Variants in PSMD13 observed in about 807,000 individuals in gnomAD.
The protein encoded by PSMD13 is proteasome 26S subunit, non-ATPase 13, also known as 26S proteasome non-ATPase regulatory subunit 13.
A neutral mutation model predicts 57.4 loss-of-function variants in PSMD13; 8 were observed. The ratio of observed to expected loss-of-function variants is 0.14; its 90% CI spans 0.08 to 0.25. The LOEUF is 0.25. PSMD13 is among the 10% of genes least tolerant of loss of function. The pLI is 1.00. For missense variants in PSMD13, 400 were observed against 461.5 expected (o/e 0.87, Z 1.22); for synonymous variants, 193 against 168.2 (o/e 1.15, Z -1.14).
chr11:243,126 C>T (rs1235263462), intron 2 of PSMD13: 1 of 602,112 alleles, frequency 1.7e-6, no homozygotes, highest in Non-Finnish European at 3.2e-6. Context: ...TTTTTTACTT[C>T]CCTCTCCTTG....
chr11:246,984 T>C (rs537315545), intron 6 of PSMD13, among the ~76,000 whole-genome samples: 1 of 152,354 alleles, frequency 6.6e-6, no homozygotes, highest in East Asian at 1.9e-4. Context: ...GTAGCTTGTC[T>C]TTGTACTTTT....
rs1265548436 is a variant in PSMD13 at position 252,287 on chromosome 11, G to C, written c.1036-218G>C. On this transcript the variant is annotated intron_variant, in intron 12 of 12. Transcript: ENST00000532097. This position sits in a 1 kb window ranked among gnomAD's most constrained non-coding sequence, Gnocchi z 4.1. Reference sequence around the variant, plus strand: ...GATCCTGTGGATTTCCTCTGTCCTTGTCTGCTTTCTTTCATGCAAGTTTTT... The same window carrying C: ...GATCCTGTGGATTTCCTCTGTCCTTCTCTGCTTTCTTTCATGCAAGTTTTT... 3.6e-6 allele frequency: 2 copies of C among 552,018 alleles called. No individual in the cohort carries two copies. The highest frequency in any genetic ancestry group is 6.5e-6 in the Non-Finnish European group (2 of 307,348). 34.2% of individuals were successfully genotyped at this position (552,018 alleles called of 1,614,324 possible).
chr11:248,231 A>C (rs1859697563), intron 7 of PSMD13: 1 of 155,374 alleles, frequency 6.4e-6, no homozygotes, highest in Admixed American at 6.3e-5. Flanking sequence ...AAGTGTAAGG[A>C]ATATATGTTC....
At chr11:243,057 G>A (rs1039103399) in intron 2 of PSMD13, 2 of 379,206 alleles carry the variant, frequency 5.3e-6, no homozygotes, top group South Asian at 4.9e-5. Flanking sequence ...GCCTCCCAAA[G>A]TGCTGGGATT....
In PSMD13 at chr11:247,365, A is replaced by G. The variant is rs1276544756; in HGVS notation, c.485A>G (p.Tyr162Cys). Residue 162 changes from tyrosine to cysteine, a missense_variant, in exon 7 of 13, where the codon TAC becomes TGC. By Grantham distance (194) the Tyr-to-Cys change is radical. Transcript: ENST00000532097. ...HSRFYDLSSK[Y>C]YQTIGNHASY... ...CGTTTCTATGATCTCTCCAGTAAATACTATCAAACAATCGGAAACCACGCG... is the reference window on the plus strand; with the variant it reads ...CGTTTCTATGATCTCTCCAGTAAATGCTATCAAACAATCGGAAACCACGCG... 3 of 1,614,184 alleles carry G rather than the reference A, an allele frequency of 1.9e-6. No homozygotes were observed. In the Admixed American group the frequency reaches 5.0e-5, roughly 27 times the overall value.
chr11:252,384 C>T lies in PSMD13; in HGVS notation c.1036-121C>T, dbSNP rs1310694715. On this transcript the variant is annotated intron_variant, in intron 12 of 12. Coordinates refer to ENST00000532097, the MANE Select transcript of PSMD13 (RefSeq NM_002817.4). The surrounding 1 kb of genome is among the most constrained non-coding windows in gnomAD (Gnocchi z 4.1). ...TCCCCCAGCTCAGAGGTCCTTTTTA[C>T]TAGAGCTGCCCTAGAGAGTTAGCTG... The T allele has an allele frequency of 1.0e-5, 9 of 875,058 alleles. No homozygotes were observed. Among genetic ancestry groups the T allele is most frequent in the Non-Finnish European group, 1.5e-5 (8 of 536,314 alleles). 54.2% of individuals were successfully genotyped at this position (875,058 alleles called of 1,614,324 possible).
chr11:252,300 C>A lies in PSMD13; in HGVS notation c.1036-205C>A. The A allele has an allele frequency of 1.8e-6, 1 of 561,668 alleles. No homozygotes were observed. The highest frequency in any genetic ancestry group is 3.1e-5 in the Admixed American group (1 of 32,772). The allele number at this position is 561,668 out of a possible 1,614,324, so 34.8% of individuals were successfully genotyped here. A position where few individuals can be genotyped will look rare whatever the true frequency, so the allele number is the denominator to read the frequency against. ...TCCTCTGTCCTTGTCTGCTTTCTTTCATGCAAGTTTTTTCTAACGTTCCTG... is the reference window on the plus strand; with the variant it reads ...TCCTCTGTCCTTGTCTGCTTTCTTTAATGCAAGTTTTTTCTAACGTTCCTG... On this transcript the variant is annotated intron_variant, in intron 12 of 12. Coordinates refer to ENST00000532097, the MANE Select transcript of PSMD13 (RefSeq NM_002817.4). This position sits in a 1 kb window ranked among gnomAD's most constrained non-coding sequence, Gnocchi z 4.1.
At position 252,623 on chromosome 11, in the gene PSMD13, T is replaced by G. The variant is rs1859789462; in HGVS notation, c.*23T>G. ...TAGGGCCCCCTGGTTCCCCGTCGTG[T>G]CTCCTTTGACTCACCTGAGAGAGGC... On this transcript the variant is annotated 3_prime_UTR_variant, in exon 13 of 13. Coordinates refer to ENST00000532097, the MANE Select transcript of PSMD13 (RefSeq NM_002817.4). This position sits in a 1 kb window ranked among gnomAD's most constrained non-coding sequence, Gnocchi z 4.1. 6.2e-7 allele frequency: 1 copy of G among 1,609,938 alleles called. No homozygotes were observed.
At position 249,207 on chromosome 11, in the gene PSMD13, A is replaced by T. The variant is rs1859719095; in HGVS notation, c.774+150A>T. ...GCTAGTCCTTGCTCTCATAGAGCAG[A>T]GAGTTAAGTGGTTGGTTAGCTACAG... On this transcript the variant is annotated intron_variant, in intron 9 of 12. Coordinates refer to ENST00000532097, the MANE Select transcript of PSMD13 (RefSeq NM_002817.4). 4 of 1,121,246 alleles carry T rather than the reference A, an allele frequency of 3.6e-6. No homozygotes were observed. The Admixed American group carries it at 6.9e-5, about 19-fold the overall frequency. 69.5% of individuals were successfully genotyped at this position (1,121,246 alleles called of 1,614,324 possible).
chr11:238,898 G>C (rs1859458078), intron 1 of PSMD13, 100 bp from the exon 2 acceptor site: 1 of 1,173,458 alleles, frequency 8.5e-7, no homozygotes, highest in African/African-American at 1.5e-5. Context: ...TTGGATTAGA[G>C]ATACCCAACC....
In PSMD13 at chr11:252,282, T is replaced by A; in HGVS notation, c.1036-223T>A. On this transcript the variant is annotated intron_variant, in intron 12 of 12. Transcript: ENST00000532097. The surrounding 1 kb of genome is among the most constrained non-coding windows in gnomAD (Gnocchi z 4.1). Reference sequence around the variant, plus strand: ...AATGCGATCCTGTGGATTTCCTCTGTCCTTGTCTGCTTTCTTTCATGCAAG... The same window carrying A: ...AATGCGATCCTGTGGATTTCCTCTGACCTTGTCTGCTTTCTTTCATGCAAG... 1.8e-6 allele frequency: 1 copy of A among 555,586 alleles called. No homozygotes were observed. The highest frequency in any genetic ancestry group is 2.2e-5 in the South Asian group (1 of 46,248). The allele number at this position is 555,586 out of a possible 1,614,324, so 34.4% of individuals were successfully genotyped here.
chr11:252,307 GT>G lies in PSMD13; in HGVS notation c.1036-192del. ...TCCTTGTCTGCTTTCTTTCATGCAA[GT>G]TTTTTCTAACGTTCCTGTGAAAAGA... On this transcript the variant is annotated intron_variant, in intron 12 of 12. Coordinates refer to ENST00000532097, the MANE Select transcript of PSMD13 (RefSeq NM_002817.4). The surrounding 1 kb of genome is among the most constrained non-coding windows in gnomAD (Gnocchi z 4.1). 1 of 568,900 alleles carries G rather than the reference GT, an allele frequency of 1.8e-6. No individual in the cohort carries two copies. The highest frequency in any genetic ancestry group is 3.1e-6 in the Non-Finnish European group (1 of 317,470). 35.2% of individuals were successfully genotyped at this position (568,900 alleles called of 1,614,324 possible). A position where few individuals can be genotyped will look rare whatever the true frequency, so the allele number is the denominator to read the frequency against.
intron 9 of PSMD13, among the ~76,000 whole-genome samples, chr11:250,174 G>A (rs1859742803): frequency 6.6e-6 from 1 of 152,232 alleles, no homozygotes; most frequent in Non-Finnish European, 1.5e-5. Context: ...GGCTACCTGT[G>A]TCAGGATATG....
In PSMD13 at chr11:250,824, G is replaced by A. The variant is rs370394564; in HGVS notation, c.796G>A (p.Ala266Thr). Residue 266 changes from alanine (A) to threonine (T), a missense_variant, in exon 10 of 13, where the codon GCC becomes ACC. Physicochemically the swap from Ala to Thr is moderately conservative, Grantham distance 58. Coordinates refer to ENST00000532097, the MANE Select transcript of PSMD13 (RefSeq NM_002817.4). ...ACAGCCTGATTTAGCAGCTAATGAA[G>A]CCCAGCTTCTGAGGAAAATTCAGTT... Reference protein sequence around the residue: ...GQQPDLAANEAQLLRKIQLLC... With the variant: ...GQQPDLAANETQLLRKIQLLC... The A allele has an allele frequency of 1.2e-6, 2 of 1,613,856 alleles. No individual in the cohort carries two copies. The highest frequency in any genetic ancestry group is 2.7e-5 in the African/African-American group (2 of 74,894).
chr11:251,982 G>A lies in PSMD13; in HGVS notation c.1035+46G>A. On this transcript the variant is annotated intron_variant, in intron 12 of 12. Coordinates refer to ENST00000532097, the MANE Select transcript of PSMD13 (RefSeq NM_002817.4). This position sits in a 1 kb window ranked among gnomAD's most constrained non-coding sequence, Gnocchi z 4.6. ...TATTCACCTCTGTGGATTTTGAGGG[G>A]TTGTGTCTATACCGTCTTAGTTTCA... is the stretch of plus-strand genomic sequence containing the variant. The A allele has an allele frequency of 6.5e-7, 1 of 1,546,816 alleles. No individual in the cohort carries two copies. Among genetic ancestry groups the A allele is most frequent in the Non-Finnish European group, 8.9e-7 (1 of 1,122,190 alleles).
intron 6 of PSMD13, 74 bp downstream of exon 6, chr11:244,835 T>C: frequency 8.1e-7 from 1 of 1,240,142 alleles, no homozygotes; most frequent in East Asian, 2.5e-5. Flanking sequence ...ATAACCTATT[T>C]TTCTTCTTTA....
intron 6 of PSMD13, 135 bp downstream of exon 6, chr11:244,896 C>A: frequency 1.2e-4 from 63 of 515,020 alleles, no homozygotes; most frequent in Middle Eastern, 5.5e-4. Flanking sequence ...AAAAATAACA[C>A]AAAGAACTAC....
intron 2 of PSMD13, among the ~76,000 whole-genome samples, chr11:242,369 A>T (rs544501845): frequency 6.6e-6 from 1 of 151,338 alleles, no homozygotes; most frequent in East Asian, 1.9e-4. Context: ...ATTCTGTTTG[A>T]TTAGCAAACA....
chr11:237,292 C>T (rs986922519), intron 1 of PSMD13, 148 bp downstream of exon 1: 26 of 736,362 alleles, frequency 3.5e-5, no homozygotes, highest in Non-Finnish European at 5.2e-5. Context: ...GCTGTGCCGG[C>T]AAGGTTTGCT....
Sources: gnomAD v4.1 joint callset for allele counts (sites outside exome capture counted in the v4.1 genomes callset) on GRCh38, gnomAD v4.1.1 for gene constraint, Gnocchi (gnomAD v3.1) non-coding constraint, MANE v1.5 for transcripts, NCBI Gene and HGNC (gene_info 2026-07-23, HGNC 2026-07-21) for gene names.